The following XYLB variants were observed in gnomAD, a reference collection of about 807,000 sequenced individuals.
XYLB encodes the protein xylulokinase.
A neutral mutation model predicts 78.7 loss-of-function variants in XYLB; 62 were observed. That is an observed-to-expected ratio of 0.79 (90% confidence interval 0.64 to 0.97). The LOEUF (loss-of-function observed/expected upper bound fraction) is 0.97, where lower values mean the gene tolerates loss of function less well. XYLB is among the 50% of genes least tolerant of loss of function. The pLI, the probability that XYLB is intolerant of heterozygous loss-of-function variation, is 0.00. For synonymous variants in XYLB, 245 were observed against 247.4 expected, an observed-to-expected ratio of 0.99 and a Z score of 0.09; for missense variants, 687 against 676.8, an observed-to-expected ratio of 1.02 and a Z score of -0.17.
At chr3:38,410,796 G>T (rs1416850880) in intron 18 of XYLB, among the ~76,000 whole-genome samples, 4 of 151,732 alleles carry the variant, frequency 2.6e-5, no homozygotes, top group African/African-American at 9.7e-5. Context: ...ACCATCACTG[G>T]CCATCAGAGA....
At chr3:38,357,283 G>T in intron 2 of XYLB, 1 of 152,316 alleles carries the variant, frequency 6.6e-6, no homozygotes. Context: ...GGGGTCACAT[G>T]GTAACTCTGT....
In XYLB at chr3:38,365,508, C is replaced by T. The variant is rs1205409949; in HGVS notation, c.379-100C>T. 22 of 1,528,634 alleles carry T rather than the reference C, an allele frequency of 1.4e-5. 1 individual carries two copies. Among genetic ancestry groups the T allele is most frequent in the South Asian group, 1.4e-4 (11 of 78,452 alleles). The allele number at this position is 1,528,634 out of a possible 1,614,324, so 94.7% of individuals were successfully genotyped here. A position where few individuals can be genotyped will look rare whatever the true frequency, so the allele number is the denominator to read the frequency against. On this transcript the variant is annotated intron_variant, in intron 5 of 18. Coordinates refer to ENST00000207870, the MANE Select transcript of XYLB (RefSeq NM_005108.4). ...CCAACCAAGGTCACCTGGGAAGAAG[C>T]GTCATGACTGCCGTGATGGGCAGTG...
downstream of XYLB, among the ~76,000 whole-genome samples, chr3:38,419,350 T>C (rs534613333): frequency 6.6e-6 from 1 of 152,076 alleles, no homozygotes; most frequent in East Asian, 1.9e-4. Flanking sequence ...CTTTTGGTGA[T>C]TGTAAATAAT....
At chr3:38,403,616 C>T (rs1708202685) in intron 18 of XYLB, among the ~76,000 whole-genome samples, 1 of 152,160 alleles carries the variant, frequency 6.6e-6, no homozygotes. Context: ...CTCCCCTATC[C>T]CACACACGCC....
intron 1 of XYLB, among the ~76,000 whole-genome samples, chr3:38,347,822 C>T (rs1705153919): frequency 6.6e-6 from 1 of 152,258 alleles, no homozygotes; most frequent in Admixed American, 6.5e-5. Flanking sequence ...GCCCTGCAGA[C>T]AGGCAAGCAA....
intron 2 of XYLB, chr3:38,356,060 G>A (rs1705633152): frequency 9.0e-6 from 3 of 332,938 alleles, no homozygotes; most frequent in East Asian, 5.3e-5. Context: ...GACCATCCTG[G>A]CTAATGCAGT....
chr3:38,419,488 T>C (rs921345723), downstream of XYLB, among the ~76,000 whole-genome samples: 1 of 149,526 alleles, frequency 6.7e-6, no homozygotes, highest in African/African-American at 2.4e-5. Flanking sequence ...ACCACAGTTT[T>C]CCACAGTAGC....
Position 38,397,143 on chromosome 3 carries a change from A to C in XYLB, c.1422A>C (p.Ala474=). 6.2e-7 allele frequency: 1 copy of C among 1,614,138 alleles called. No individual in the cohort carries two copies. Among genetic ancestry groups the C allele is most frequent in the Non-Finnish European group, 8.5e-7 (1 of 1,180,024 alleles). The change falls in exon 17 of 19, where the codon GCA becomes GCC. Residue 474 remains alanine, a synonymous_variant. Coordinates refer to ENST00000207870, the MANE Select transcript of XYLB (RefSeq NM_005108.4). The stretch of plus-strand genomic sequence containing the variant: ...CCAACTCGGCCTGTGTGGGTTCTGC[A>C]TACCGAGCTTTTCATGGTAGGTTGA... The part of the protein sequence containing the change: ...DTANSACVGS[A]YRAFHGLAGG...
chr3:38,417,658 G>A (rs868464873), downstream of XYLB, among the ~76,000 whole-genome samples: 25 of 152,042 alleles, frequency 1.6e-4, no homozygotes, highest in Admixed American at 7.2e-4. Context: ...AAGGCGGGCG[G>A]ATCATGAAGT....
intron 18 of XYLB, among the ~76,000 whole-genome samples, chr3:38,411,044 G>C (rs1254468865): frequency 6.6e-6 from 1 of 151,894 alleles, no homozygotes; most frequent in Non-Finnish European, 1.5e-5. Flanking sequence ...TATACCCAAA[G>C]GACTATAAAT....
chr3:38,441,395 T>C, the XYLB span, among the ~76,000 whole-genome samples: 3 of 152,246 alleles, frequency 2.0e-5, no homozygotes, highest in African/African-American at 7.2e-5. Flanking sequence ...AACCTGCCCT[T>C]TGTATCTTAT....
chr3:38,400,939 C>T lies in XYLB; in HGVS notation c.1487C>T (p.Ala496Val). The T allele has an allele frequency of 1.2e-6, 2 of 1,614,188 alleles. No homozygotes were observed. Among genetic ancestry groups the T allele is most frequent in the Non-Finnish European group, 1.7e-6 (2 of 1,180,036 alleles). ...CCCTTTTCAGAGGTTGTGAAGTTAG[C>T]TCCAAATCCCAGACTAGCTGCTACC... is the stretch of plus-strand genomic sequence containing the variant. Reference protein sequence around the residue: ...DVPFSEVVKLAPNPRLAATPS... With the variant: ...DVPFSEVVKLVPNPRLAATPS... The change falls in exon 18 of 19, where the codon GCT becomes GTT. Residue 496 changes from alanine (A) to valine (V), a missense_variant. By Grantham distance (64) the Ala-to-Val change is moderately conservative. Transcript: ENST00000207870.
Position 38,405,265 on chromosome 3 carries a change from G to A in XYLB, c.1533+4280G>A, listed in dbSNP as rs74436404. On this transcript the variant is annotated intron_variant, in intron 18 of 18. Transcript: ENST00000207870. ...TATTCTATCTGGGTAGACCAGGCACGGTGGCTCATACCTATAATCCCAGCA... is the reference window on the plus strand; with the variant it reads ...TATTCTATCTGGGTAGACCAGGCACAGTGGCTCATACCTATAATCCCAGCA... Among the ~76,000 whole-genome samples, 450 of 151,496 alleles carry A rather than the reference G, an allele frequency of 3.0e-3. 7 individuals carry two copies. The highest frequency in any genetic ancestry group is 0.01 in the African/African-American group (417 of 41,204).
At position 38,400,909 on chromosome 3, in the gene XYLB, A is replaced by G. The variant is rs1451757694; in HGVS notation, c.1457A>G (p.Asp486Gly). 3 of 1,614,080 alleles carry G rather than the reference A, an allele frequency of 1.9e-6. No homozygotes were observed. The highest frequency in any genetic ancestry group is 2.7e-5 in the African/African-American group (2 of 74,922). ...CTTCTAGGTCTTGCAGGTGGAACAG[A>G]TGTGCCCTTTTCAGAGGTTGTGAAG... is the stretch of plus-strand genomic sequence containing the variant. ...RAFHGLAGGT[D>G]VPFSEVVKLA... is the part of the protein sequence containing the mutation. Residue 486 changes from aspartate (D) to glycine (G), a missense_variant, in exon 18 of 19, where the codon GAT becomes GGT. Physicochemically the swap from Asp to Gly is moderately conservative, Grantham distance 94 (BLOSUM62 -1). Coordinates refer to ENST00000207870, the MANE Select transcript of XYLB (RefSeq NM_005108.4).
At chr3:38,418,822 G>A (rs1336554589), downstream of XYLB, among the ~76,000 whole-genome samples, 1 of 152,088 alleles carries the variant, frequency 6.6e-6, no homozygotes, top group Non-Finnish European at 1.5e-5. Flanking sequence ...GTAATAAAAT[G>A]TATGACATTT....
chr3:38,446,897 A>G, the XYLB span, among the ~76,000 whole-genome samples: 1 of 152,218 alleles, frequency 6.6e-6, no homozygotes. Context: ...AGCACAGGCC[A>G]TAAACACAAA....
chr3:38,412,789 C>G (rs772376530), intron 18 of XYLB, 147 bp from the exon 19 acceptor site: 2 of 672,950 alleles, frequency 3.0e-6, no homozygotes, highest in Non-Finnish European at 5.0e-6. Flanking sequence ...CTAGCATTTC[C>G]TCTTTTGTGA....
rs112090690 is a variant in XYLB at position 38,351,032 on chromosome 3, G to A, written c.140+2400G>A. Among the ~76,000 whole-genome samples, 47 of 151,640 alleles carry A rather than the reference G, an allele frequency of 3.1e-4. 1 individual carries two copies. The highest frequency in any genetic ancestry group is 1.1e-3 in the African/African-American group (47 of 41,362). ...GGTGGCAGGCATGGTGACAGGCACCGTGTATGCTGCACGCCTGTAATCCTA... is the reference window on the plus strand; with the variant it reads ...GGTGGCAGGCATGGTGACAGGCACCATGTATGCTGCACGCCTGTAATCCTA... On this transcript the variant is annotated intron_variant, in intron 2 of 18. Coordinates refer to ENST00000207870, the MANE Select transcript of XYLB (RefSeq NM_005108.4).
chr3:38,407,446 C>A (rs1384375957), intron 18 of XYLB, among the ~76,000 whole-genome samples: 2 of 152,020 alleles, frequency 1.3e-5, no homozygotes, highest in Admixed American at 6.6e-5. Flanking sequence ...ATTGTAAAGA[C>A]CATCGAGGCT....
Sources: allele counts gnomAD v4.1 joint callset (sites outside exome capture counted in the v4.1 genomes callset), GRCh38; gene constraint gnomAD v4.1.1; transcripts MANE v1.5; gene names NCBI Gene and HGNC (gene_info 2026-07-23, HGNC 2026-07-21).